WASHC3: variants seen among roughly 807,000 people sequenced by gnomAD.
WASHC3 encodes WASH complex subunit 3.
In WASHC3, 24 loss-of-function variants were observed where a neutral mutation model predicts 26.1. That is an observed-to-expected ratio of 0.92 (90% CI 0.66 to 1.29). WASHC3 has a LOEUF of 1.29. WASHC3 is among the 50% of genes most tolerant of loss of function. WASHC3 has a pLI of 0.00. For missense variants in WASHC3, 214 were observed against 229.6 expected, an observed-to-expected ratio of 0.93 and a Z score of 0.44; for synonymous variants, 77 against 75.7, an observed-to-expected ratio of 1.02 and a Z score of -0.09.
rs1300355981 is a variant in WASHC3, at chr12:102,013,221, G to A, written c.501-29C>T. On this transcript the variant is annotated intron_variant, in intron 6 of 6. Coordinates refer to ENST00000240079, the MANE Select transcript of WASHC3 (RefSeq NM_016053.4). ...AAAGAAAAGAAAAAAAAATTTCAAA[G>A]GTCTTTTCCAATTGAAAAGAGCACT... 2.5e-6 allele frequency: 3 copies of A among 1,178,188 alleles called. No homozygotes were observed. In the South Asian group the frequency reaches 4.1e-5, roughly 16 times the overall value. The allele number at this position is 1,178,188 out of a possible 1,614,324, so 73.0% of individuals were successfully genotyped here.
chr12:102,019,411 T>C (rs1411957570), intron 6 of WASHC3: 1 of 369,098 alleles, frequency 2.7e-6, no homozygotes, highest in Non-Finnish European at 5.3e-6. Flanking sequence ...TTAAGACATA[T>C]TTGAAAAAGT....
At chr12:102,054,986 G>C (rs1460109832) in intron 2 of WASHC3, among the ~76,000 whole-genome samples, 2 of 152,012 alleles carry the variant, frequency 1.3e-5, no homozygotes, top group African/African-American at 2.4e-5. Flanking sequence ...TAACATCCTA[G>C]TGTTACAACT....
chr12:102,017,707 T>C (rs1374398259), intron 6 of WASHC3: 1 of 370,086 alleles, frequency 2.7e-6, no homozygotes, highest in Non-Finnish European at 5.2e-6. Flanking sequence ...GCTGTACCAT[T>C]TTACATTTGT....
chr12:102,061,223 T>C (rs1470254500), intron 2 of WASHC3, 25 bp downstream of exon 2: 1 of 1,513,334 alleles, frequency 6.6e-7, no homozygotes, highest in Middle Eastern at 1.7e-4. Context: ...CAGGCGACTC[T>C]ATAAACCAGT....
At chr12:102,013,788 A>C (rs1876582904) in intron 6 of WASHC3, among the ~76,000 whole-genome samples, 1 of 152,210 alleles carries the variant, frequency 6.6e-6, no homozygotes, top group Non-Finnish European at 1.5e-5. Flanking sequence ...TGAGTTGGCA[A>C]AAATACTGTT....
chr12:102,029,161 T>C (rs1489267768), intron 5 of WASHC3, among the ~76,000 whole-genome samples: 11 of 152,258 alleles, frequency 7.2e-5, no homozygotes, highest in Non-Finnish European at 1.5e-4. Flanking sequence ...TTTTGCTATA[T>C]TCTTCCTTAG....
intron 5 of WASHC3, among the ~76,000 whole-genome samples, chr12:102,026,999 A>G (rs191517434): frequency 3.7e-4 from 57 of 152,278 alleles, no homozygotes; most frequent in Non-Finnish European, 6.8e-4. Context: ...TGTTGCACAC[A>G]CTTCTTTTAT....
At chr12:102,050,644 G>C (rs1878360093) in intron 2 of WASHC3, 2 of 437,876 alleles carry the variant, frequency 4.6e-6, no homozygotes, top group African/African-American at 4.1e-5. Flanking sequence ...CCCCGTCTCG[G>C]GGGGAAAAGA....
chr12:102,027,668 C>T (rs560065359), intron 5 of WASHC3, among the ~76,000 whole-genome samples: 24 of 152,072 alleles, frequency 1.6e-4, no homozygotes, highest in Admixed American at 8.5e-4. Context: ...TTGGCTATGG[C>T]GGAGAAAATA....
At chr12:102,024,169 C>CAAGAGAGGAA (rs953308797) in intron 6 of WASHC3, among the ~76,000 whole-genome samples, 12 of 152,224 alleles carry the variant, frequency 7.9e-5, no homozygotes, top group African/African-American at 2.9e-4. Context: ...GAAAGAATCA[C>CAAGAGAGGAA]AAGAGAGGAA....
At chr12:102,053,403 G>T (rs1458120394) in intron 2 of WASHC3, among the ~76,000 whole-genome samples, 1 of 152,210 alleles carries the variant, frequency 6.6e-6, no homozygotes, top group Non-Finnish European at 1.5e-5. Flanking sequence ...CAGCAAGCCT[G>T]CCATGCACCA....
chr12:102,026,439 A>C (rs558196885), intron 5 of WASHC3, among the ~76,000 whole-genome samples: 2 of 152,236 alleles, frequency 1.3e-5, no homozygotes, highest in Non-Finnish European at 2.9e-5. Flanking sequence ...AGAGAGTTCC[A>C]TTCTTAAGTA....
At chr12:102,055,632 C>T (rs754692808) in intron 2 of WASHC3, among the ~76,000 whole-genome samples, 3 of 152,312 alleles carry the variant, frequency 2.0e-5, no homozygotes, top group East Asian at 1.9e-4. Flanking sequence ...TGTGGGCCAC[C>T]GTGCCCCACC....
At chr12:102,035,044 A>C (rs1877597320) in intron 5 of WASHC3, among the ~76,000 whole-genome samples, 2 of 152,186 alleles carry the variant, frequency 1.3e-5, no homozygotes, top group South Asian at 2.1e-4. Flanking sequence ...AGAAGGCAGA[A>C]ATTTTATCAG....
chr12:102,029,205 CA>C (rs1437421137), intron 5 of WASHC3, among the ~76,000 whole-genome samples: 2 of 152,048 alleles, frequency 1.3e-5, no homozygotes, highest in Non-Finnish European at 2.9e-5. Context: ...TGTTAAACAC[CA>C]AAAAGAAGTG....
chr12:102,048,753 G>A (rs1483249836), intron 2 of WASHC3, among the ~76,000 whole-genome samples: 1 of 151,950 alleles, frequency 6.6e-6, no homozygotes, highest in Non-Finnish European at 1.5e-5. Flanking sequence ...GAACCTACTA[G>A]TATGTCATAG....
At chr12:102,035,729 C>T (rs913254687) in intron 5 of WASHC3, among the ~76,000 whole-genome samples, 7 of 152,098 alleles carry the variant, frequency 4.6e-5, no homozygotes, top group Non-Finnish European at 7.4e-5. Flanking sequence ...AATGAATACA[C>T]GGATTAATCA....
chr12:102,018,709 A>T (rs1003422330), intron 6 of WASHC3, among the ~76,000 whole-genome samples: 5 of 152,308 alleles, frequency 3.3e-5, no homozygotes, highest in African/African-American at 1.2e-4. Flanking sequence ...GCTTCAAGTG[A>T]TTCTCCACCC....
chr12:102,053,316 G>A (rs1217140105), intron 2 of WASHC3, among the ~76,000 whole-genome samples: 1 of 152,094 alleles, frequency 6.6e-6, no homozygotes, highest in Admixed American at 6.5e-5. Context: ...CTAATCAGCA[G>A]GTCCACCCCA....
Sources: gnomAD v4.1 joint callset for allele counts (sites outside exome capture counted in the v4.1 genomes callset) on GRCh38, gnomAD v4.1.1 for gene constraint, MANE v1.5 for transcripts, NCBI Gene and HGNC (gene_info 2026-07-23, HGNC 2026-07-21) for gene names.